The following GAK variants were observed in gnomAD, a reference collection of about 807,000 sequenced individuals.
GAK encodes cyclin G associated kinase, also known as cyclin-G-associated kinase.
GAK carries 79 observed loss-of-function variants against 143.9 expected under a neutral mutation model. The observed-to-expected ratio is 0.55, with a 90% CI of 0.46 to 0.66. The LOEUF is 0.66. GAK is among the 30% of genes least tolerant of loss of function. GAK has a pLI of 0.00. For missense variants in GAK, 1,693 were observed against 1,779.7 expected, an observed-to-expected ratio of 0.95 and a Z score of 0.88; for synonymous variants, 881 against 765.5, an observed-to-expected ratio of 1.15 and a Z score of -2.49.
In GAK at chr4:893,911, C is replaced by T. The variant is rs116865703; in HGVS notation, c.840G>A (p.Pro280=). The part of the protein sequence containing the change: ...RIVNGKYSIP[P]HDTQYTVFHS... ...GGAAGACCGTGTACTGCGTGTCGTGCGGGGGGATCGAGTACTTCCCATTGA... is the reference window on the plus strand; with the variant it reads ...GGAAGACCGTGTACTGCGTGTCGTGTGGGGGGATCGAGTACTTCCCATTGA... The change falls in exon 8 of 28, where the codon CCG becomes CCA. Residue 280 remains proline (P), a synonymous_variant. Transcript: ENST00000314167. 828 of 1,611,288 alleles carry T rather than the reference C, an allele frequency of 5.1e-4. 12 individuals carry two copies. In the East Asian group the frequency reaches 0.016, roughly 31 times the overall value.
At chr4:908,515 T>A (rs569295705) in intron 4 of GAK, among the ~76,000 whole-genome samples, 135 of 152,120 alleles carry the variant, frequency 8.9e-4, no homozygotes, top group African/African-American at 3.1e-3. Context: ...ATACAAAACT[T>A]AGCCAGGCAC....
intron 24 of GAK, among the ~76,000 whole-genome samples, chr4:856,450 CT>C (rs1217995333): frequency 9.7e-5 from 14 of 143,710 alleles, no homozygotes; most frequent in Admixed American, 9.0e-4. Context: ...CAGCTGCTCA[CT>C]ACAGCTGCTC....
At chr4:849,840 C>CCCCCCG in intron 27 of GAK, 52 bp downstream of exon 27, 1 of 1,163,084 alleles carries the variant, frequency 8.6e-7, no homozygotes, top group Non-Finnish European at 1.2e-6. Context: ...CAGGACCCCC[C>CCCCCCG]CCCCGCCCCG....
In GAK at chr4:849,516, T is replaced by C; in HGVS notation, c.*157A>G. On this transcript the variant is annotated 3_prime_UTR_variant, in exon 28 of 28. Coordinates refer to ENST00000314167, the MANE Select transcript of GAK (RefSeq NM_005255.4). ...TCAGAGGCTTTGGAATGCTTTCTCT[T>C]CATGTGCCTGGAACGCTGGGCGGGC... 1 of 608,414 alleles carries C rather than the reference T, an allele frequency of 1.6e-6. No individual in the cohort carries two copies. The highest frequency in any genetic ancestry group is 3.0e-6 in the Non-Finnish European group (1 of 333,562). The allele number at this position is 608,414 out of a possible 1,614,324, so 37.7% of individuals were successfully genotyped here. A position where few individuals can be genotyped will look rare whatever the true frequency, so the allele number is the denominator to read the frequency against.
intron 1 of GAK, among the ~76,000 whole-genome samples, chr4:931,340 G>A (rs78820169): frequency 1.3e-5 from 2 of 152,132 alleles, no homozygotes; most frequent in East Asian, 3.8e-4. Flanking sequence ...ACGAGTAGAT[G>A]TTCACCGGGA....
rs1421846997 is a variant in GAK at position 901,414 on chromosome 4, C to T, written c.525+3223G>A. ...ACGTGGAGAGCCACGGCCTTGGATC[C>T]CCCACCTAGGGCACACGGGGAGAGC... is the stretch of plus-strand genomic sequence containing the variant. On this transcript the variant is annotated intron_variant, in intron 5 of 27. Coordinates refer to ENST00000314167, the MANE Select transcript of GAK (RefSeq NM_005255.4). 2.6e-5 allele frequency among the ~76,000 whole-genome samples: 4 copies of T among 152,062 alleles called. No individual in the cohort carries two copies. In the East Asian group the frequency reaches 7.7e-4, roughly 29 times the overall value.
In GAK at chr4:851,020, G is replaced by A. The variant is rs761377801; in HGVS notation, c.3573C>T (p.Ser1191=). Residue 1191 remains serine (S), a synonymous_variant, in exon 26 of 28, where the codon TCC becomes TCT. Coordinates refer to ENST00000314167, the MANE Select transcript of GAK (RefSeq NM_005255.4). ...TCTTTGGCCCTTTCTTGTCAGACCT[G>A]GAGGAGAAGCCTTGATTGGACAACA... ...EDLLSNQGFS[S]RSDKKGPKTI... is the part of the protein sequence containing the mutation. 50 of 1,613,926 alleles carry A rather than the reference G, an allele frequency of 3.1e-5. No homozygotes were observed. Among genetic ancestry groups the A allele is most frequent in the Non-Finnish European group, 4.1e-5 (48 of 1,179,950 alleles).
At chr4:902,598 A>AAAAAAAACAAAC (rs1553889028) in intron 5 of GAK, among the ~76,000 whole-genome samples, 3 of 147,444 alleles carry the variant, frequency 2.0e-5, no homozygotes, top group Non-Finnish European at 4.5e-5. Context: ...GACTGACTCA[A>AAAAAAAACAAAC]AAAAAAAAAA....
rs977968008 is a variant in GAK, at chr4:888,262, G to A, written c.1205+585C>T. 1.4e-4 allele frequency: 21 copies of A among 152,524 alleles called. 4 individuals carry two copies. The highest frequency in any genetic ancestry group is 1.9e-4 in the East Asian group (1 of 5,184). The allele number at this position is 152,524 out of a possible 1,614,324, so 9.4% of individuals were successfully genotyped here. A position where few individuals can be genotyped will look rare whatever the true frequency, so the allele number is the denominator to read the frequency against. Reference sequence around the variant, plus strand: ...AGATGAGCAGCCAGCGTGCTCCTGGGCGTTCAGCTCCTCAGAAGAGCCAGC... The same window carrying A: ...AGATGAGCAGCCAGCGTGCTCCTGGACGTTCAGCTCCTCAGAAGAGCCAGC... On this transcript the variant is annotated intron_variant, in intron 11 of 27. Transcript: ENST00000314167.
At chr4:849,840 C>CG (rs1450017994) in intron 27 of GAK, 52 bp downstream of exon 27, 7 of 1,162,998 alleles carry the variant, frequency 6.0e-6, no homozygotes, top group South Asian at 2.7e-5. Flanking sequence ...CAGGACCCCC[C>CG]CCCCGCCCCG....
At chr4:923,529 G>C (rs1724215644) in intron 1 of GAK, among the ~76,000 whole-genome samples, 1 of 152,144 alleles carries the variant, frequency 6.6e-6, no homozygotes, top group Non-Finnish European at 1.5e-5. Context: ...TTAAAAATTA[G>C]CCAGGCGTGG....
rs576554688 is a variant in GAK, at chr4:899,423, T to A, written c.526-1265A>T. 6.7e-5 allele frequency among the ~76,000 whole-genome samples: 10 copies of A among 149,172 alleles called. No homozygotes were observed. In the South Asian group the frequency reaches 2.2e-3, roughly 32 times the overall value. On this transcript the variant is annotated intron_variant, in intron 5 of 27. Coordinates refer to ENST00000314167, the MANE Select transcript of GAK (RefSeq NM_005255.4). ...CGGCACACACGCGGTCAGTACGGGCTCCCACAGGCAGCACAGGGCTCCGAG... is the reference window on the plus strand; with the variant it reads ...CGGCACACACGCGGTCAGTACGGGCACCCACAGGCAGCACAGGGCTCCGAG...
At chr4:871,939 C>T (rs1258644817) in intron 18 of GAK, among the ~76,000 whole-genome samples, 1 of 152,212 alleles carries the variant, frequency 6.6e-6, no homozygotes, top group Non-Finnish European at 1.5e-5. Context: ...CCTAAAATCT[C>T]TACATGTTGA....
At chr4:921,095 TTTC>T (rs1184738956) in intron 1 of GAK, among the ~76,000 whole-genome samples, 4 of 151,594 alleles carry the variant, frequency 2.6e-5, no homozygotes, top group Non-Finnish European at 4.4e-5. Flanking sequence ...ATCCAGGTGA[TTTC>T]TTCTTCTTTT....
chr4:866,992 C>T lies in GAK; in HGVS notation c.2836G>A (p.Val946Met), dbSNP rs771619674. ...GGCCCTCCTCTTGGGGTGCTCTGCACGCTCAGGGGAGGGGCCGGGCTTGCC... is the reference window on the plus strand; with the variant it reads ...GGCCCTCCTCTTGGGGTGCTCTGCATGCTCAGGGGAGGGGCCGGGCTTGCC... The part of the protein sequence containing the change: ...LLASPAPPLS[V>M]QSTPRGGPPA... The change falls in exon 21 of 28, where the codon GTG (valine) becomes ATG (methionine). Residue 946 changes from valine (V) to methionine (M), a missense_variant. This residue lies in a region of GAK where 822 missense variants were observed against 788.7 expected (regional missense o/e 1.04). Coordinates refer to ENST00000314167, the MANE Select transcript of GAK (RefSeq NM_005255.4). 39 of 1,498,130 alleles carry T rather than the reference C, an allele frequency of 2.6e-5. No individual in the cohort carries two copies. The highest frequency in any genetic ancestry group is 7.0e-5 in the East Asian group (3 of 42,788). The allele number at this position is 1,498,130 out of a possible 1,614,324, so 92.8% of individuals were successfully genotyped here. A position where few individuals can be genotyped will look rare whatever the true frequency, so the allele number is the denominator to read the frequency against.
intron 11 of GAK, chr4:885,787 T>C (rs1194898199): frequency 6.6e-6 from 1 of 151,964 alleles, no homozygotes; most frequent in Non-Finnish European, 1.5e-5. Flanking sequence ...TTTTTTAAAT[T>C]GAGGCAGGGT....
chr4:877,647 C>T lies in GAK; in HGVS notation c.1824G>A (p.Val608=), dbSNP rs757930029. The T allele has an allele frequency of 3.7e-6, 6 of 1,602,648 alleles. No individual in the cohort carries two copies. The African/African-American group carries it at 8.0e-5, about 21-fold the overall frequency. ...TGTCGTACTCCTGGGAGGTGCTGGC[C>T]ACACGCTCGTCCCCCACGTAGACCT... The part of the protein sequence containing the change: ...FCEVYVGDER[V]ASTSQEYDKM... The change falls in exon 16 of 28, where the codon GTG becomes GTA. Residue 608 remains valine (V), a synonymous_variant. Coordinates refer to ENST00000314167, the MANE Select transcript of GAK (RefSeq NM_005255.4).
At chr4:883,103 A>C (rs1715494940) in intron 13 of GAK, among the ~76,000 whole-genome samples, 1 of 152,168 alleles carries the variant, frequency 6.6e-6, no homozygotes. Context: ...AGCAGTGAGG[A>C]GCTGGGGCCT....
rs1722070341 is a variant in GAK, at chr4:911,670, T to C, written c.382+3A>G. On this transcript the variant is annotated splice_donor_region_variant and intron_variant, in intron 4 of 27. Transcript: ENST00000314167. ...CACCAAGCCGGCCTTCACAGGACGT[T>C]ACCTTTACAGAGCTCTGTGAGCAAG... The C allele has an allele frequency of 6.2e-7, 1 of 1,610,580 alleles. No homozygotes were observed. The highest frequency in any genetic ancestry group is 2.2e-5 in the East Asian group (1 of 44,842).
Sources: allele counts gnomAD v4.1 joint callset (sites outside exome capture counted in the v4.1 genomes callset), GRCh38; gene constraint gnomAD v4.1.1; regional missense constraint gnomAD v4.1.1; transcripts MANE v1.5; gene names NCBI Gene and HGNC (gene_info 2026-07-23, HGNC 2026-07-21).